The following ANKRD11 variants were observed in gnomAD, a reference collection of about 807,000 sequenced individuals.
ANKRD11 encodes the protein ankyrin repeat domain-containing protein 11.
A neutral mutation model predicts 195.7 loss-of-function variants in ANKRD11; 17 were observed. The observed-to-expected ratio is 0.09, with a 90% CI of 0.06 to 0.13. ANKRD11 has a LOEUF of 0.13. Among genes scored for constraint, ANKRD11 ranks in the 10% least tolerant of loss-of-function variants. The pLI is 1.00. For missense variants in ANKRD11, 3,735 were observed against 3,566.1 expected (o/e 1.05, Z -1.21); for synonymous variants, 1,953 against 1,528.1 (o/e 1.28, Z -6.49).
intron 2 of ANKRD11, among the ~76,000 whole-genome samples, chr16:89,414,511 A>C (rs1408636529): frequency 5.9e-5 from 9 of 152,222 alleles, no homozygotes; most frequent in Non-Finnish European, 1.2e-4. Flanking sequence ...GAAACAATTT[A>C]CAAACTAAAA....
At position 89,357,180 on chromosome 16, in the gene ANKRD11, C is replaced by G. The variant is rs992817876; in HGVS notation, c.-59-40102G>C. Among the ~76,000 whole-genome samples, 3 of 152,228 alleles carry G rather than the reference C, an allele frequency of 2.0e-5. No individual in the cohort carries two copies. In the East Asian group the frequency reaches 5.8e-4, roughly 29 times the overall value. ...GAGGTAGGCTCGGCCAGAGCTACAA[C>G]ACACCTTCGAAGATGAGTGGGGTTG... On this transcript the variant is annotated intron_variant, in intron 2 of 12. Coordinates refer to ENST00000301030, the MANE Select transcript of ANKRD11 (RefSeq NM_013275.6).
chr16:89,333,251 G>C (rs1335524926), intron 2 of ANKRD11, among the ~76,000 whole-genome samples: 1 of 152,182 alleles, frequency 6.6e-6, no homozygotes, highest in Non-Finnish European at 1.5e-5. Context: ...ATTTTTTAAA[G>C]CAGCTTTAGG....
chr16:89,357,939 A>C (rs2039560906), intron 2 of ANKRD11, among the ~76,000 whole-genome samples: 1 of 152,248 alleles, frequency 6.6e-6, no homozygotes, highest in Non-Finnish European at 1.5e-5. Flanking sequence ...AAAAGTAGTA[A>C]ATCCTTTCAA....
chr16:89,285,451 T>C lies in ANKRD11; in HGVS notation c.1091A>G (p.Lys364Arg). The C allele has an allele frequency of 6.2e-7, 1 of 1,614,214 alleles. No homozygotes were observed. Among genetic ancestry groups the C allele is most frequent in the East Asian group, 2.2e-5 (1 of 44,892 alleles). ...EQDRVPPVDD[K>R]HLLKKDYRKE... ...TCTGTAGTCCTTTTTCAATAGGTGC[T>C]TGTCGTCCACCGGAGGAACCCTGTC... The change falls in exon 9 of 13, where the codon AAG becomes AGG. Residue 364 changes from lysine (K) to arginine (R), a missense_variant. Lys to Arg is a conservative substitution (Grantham distance 26). Transcript: ENST00000301030. The surrounding 1 kb of genome is among the most constrained non-coding windows in gnomAD (Gnocchi z 5.6).
chr16:89,351,144 G>A (rs924930488), intron 2 of ANKRD11, among the ~76,000 whole-genome samples: 23 of 152,208 alleles, frequency 1.5e-4, no homozygotes, highest in Admixed American at 8.5e-4. Context: ...GGACGATGGC[G>A]GGCACAAGAG....
At chr16:89,320,409 A>G (rs993293390) in intron 2 of ANKRD11, 3 of 152,248 alleles carry the variant, frequency 2.0e-5, no homozygotes, top group African/African-American at 7.2e-5. Flanking sequence ...AATCAGCAGG[A>G]AACTGAAACA....
chr16:89,375,427 T>C (rs965149781), intron 2 of ANKRD11, among the ~76,000 whole-genome samples: 11 of 151,256 alleles, frequency 7.3e-5, no homozygotes, highest in Non-Finnish European at 1.2e-4. Flanking sequence ...GACAAGCCGC[T>C]GCGCTCCCGC....
chr16:89,271,840 C>G (rs1191033108), intron 11 of ANKRD11: 1 of 152,136 alleles, frequency 6.6e-6, no homozygotes, highest in African/African-American at 2.4e-5. Flanking sequence ...CCTGGGCAAA[C>G]ATTTCTCAAG....
At chr16:89,441,778 A>AAAAC (rs1567811062) in intron 1 of ANKRD11, among the ~76,000 whole-genome samples, 1 of 103,858 alleles carries the variant, frequency 9.6e-6, no homozygotes, top group African/African-American at 2.8e-5. Flanking sequence ...AAAAAAAAAA[A>AAAAC]AAAAAAAAAA....
chr16:89,449,824 G>C (rs995159916), intron 1 of ANKRD11, among the ~76,000 whole-genome samples: 3 of 152,102 alleles, frequency 2.0e-5, no homozygotes, highest in African/African-American at 7.2e-5. Flanking sequence ...TACCAACCTG[G>C]TGAGCTAGGT....
At chr16:89,410,439 G>A (rs977332092) in intron 2 of ANKRD11, among the ~76,000 whole-genome samples, 1 of 152,190 alleles carries the variant, frequency 6.6e-6, no homozygotes, top group African/African-American at 2.4e-5. Flanking sequence ...TGTTGGGAGT[G>A]ATGGTCTTAG....
Position 89,291,024 on chromosome 16 carries a change from G to A in ANKRD11, c.386C>T (p.Ala129Val), listed in dbSNP as rs1295314207. 18 of 1,611,618 alleles carry A rather than the reference G, an allele frequency of 1.1e-5. No homozygotes were observed. The highest frequency in any genetic ancestry group is 1.4e-5 in the Non-Finnish European group (17 of 1,179,858). ...LLMQMTAEES[A>V]NSPVDTTPKH... ...CAGGCCGGGCTCACCTGGGCTGTTG[G>A]CAGACTCCTCGGCCGTCATCTGCAT... The change falls in exon 5 of 13, where the codon GCC becomes GTC. Residue 129 changes from alanine to valine, a missense_variant. Physicochemically the swap from Ala to Val is moderately conservative, Grantham distance 64. Transcript: ENST00000301030. This position sits in a 1 kb window ranked among gnomAD's most constrained non-coding sequence, Gnocchi z 5.3.
rs771640663 is a variant in ANKRD11 at position 89,282,512 on chromosome 16, G to C, written c.4030C>G (p.Leu1344Val). The change falls in exon 9 of 13, where the codon CTG becomes GTG. Residue 1344 changes from leucine to valine, a missense_variant. By Grantham distance (32) the Leu-to-Val change is conservative. Coordinates refer to ENST00000301030, the MANE Select transcript of ANKRD11 (RefSeq NM_013275.6). ...PRESACLPEK[L>V]KEKERHRHSS... ...TGTCTGTGCCTCTCCTTCTCTTTCAGCTTCTCAGGGAGGCAGGCGCTCTCC... is the reference window on the plus strand; with the variant it reads ...TGTCTGTGCCTCTCCTTCTCTTTCACCTTCTCAGGGAGGCAGGCGCTCTCC... 3.1e-6 allele frequency: 5 copies of C among 1,613,980 alleles called. No homozygotes were observed. Among genetic ancestry groups the C allele is most frequent in the Non-Finnish European group, 4.2e-6 (5 of 1,179,986 alleles).
chr16:89,281,592 T>A lies in ANKRD11; in HGVS notation c.4950A>T (p.Lys1650Asn), dbSNP rs953103101. 6.2e-7 allele frequency: 1 copy of A among 1,614,176 alleles called. No individual in the cohort carries two copies. The highest frequency in any genetic ancestry group is 1.3e-5 in the African/African-American group (1 of 75,040). Reference sequence around the variant, plus strand: ...GAGTCGACTCTTTGAGCTTTTTGTCTTTAAATGGAGGGTCCAGCCCCGGCG... The same window carrying A: ...GAGTCGACTCTTTGAGCTTTTTGTCATTAAATGGAGGGTCCAGCCCCGGCG... ...KKPPGLDPPFKDKKLKESTPI... is the reference protein window; with the variant it reads ...KKPPGLDPPFNDKKLKESTPI... The change falls in exon 9 of 13, where the codon AAA (lysine) becomes AAT (asparagine). Residue 1650 changes from lysine (K) to asparagine (N), a missense_variant. Lys to Asn is a moderately conservative substitution (Grantham distance 94). Coordinates refer to ENST00000301030, the MANE Select transcript of ANKRD11 (RefSeq NM_013275.6). The surrounding 1 kb of genome is among the most constrained non-coding windows in gnomAD (Gnocchi z 5.5).
At chr16:89,387,697 A>G (rs2040982562) in intron 2 of ANKRD11, among the ~76,000 whole-genome samples, 1 of 142,596 alleles carries the variant, frequency 7.0e-6, no homozygotes, top group South Asian at 2.3e-4. Context: ...AAAAAGAAAA[A>G]AAAAAAAAAA....
At chr16:89,481,791 A>G (rs1020436260) in intron 1 of ANKRD11, among the ~76,000 whole-genome samples, 5 of 152,164 alleles carry the variant, frequency 3.3e-5, no homozygotes, top group Non-Finnish European at 7.3e-5. Flanking sequence ...TCTGGCTGAC[A>G]TTCTCACGTT....
chr16:89,354,129 C>T (rs919869790), intron 2 of ANKRD11, among the ~76,000 whole-genome samples: 1 of 151,740 alleles, frequency 6.6e-6, no homozygotes, highest in African/African-American at 2.4e-5. Flanking sequence ...CACTCCACTG[C>T]TTCTAAATAA....
chr16:89,470,483 T>C lies in ANKRD11; in HGVS notation c.-145+19762A>G, dbSNP rs540065649. ...GTTTTGTGTACAGACTAAACGTAGG[T>C]AGGGAATACTGGTTAACACCATAGA... On this transcript the variant is annotated intron_variant, in intron 1 of 12. Transcript: ENST00000301030. 2.6e-4 allele frequency among the ~76,000 whole-genome samples: 39 copies of C among 151,622 alleles called. No individual in the cohort carries two copies. The South Asian group carries it at 6.1e-3, about 24-fold the overall frequency.
intron 3 of ANKRD11, among the ~76,000 whole-genome samples, chr16:89,311,669 G>C (rs1300575932): frequency 6.6e-6 from 1 of 152,150 alleles, no homozygotes; most frequent in African/African-American, 2.4e-5. Flanking sequence ...GTTTGCCAAA[G>C]ATAGGATTTT....
Sources: allele counts gnomAD v4.1 joint callset (sites outside exome capture counted in the v4.1 genomes callset), GRCh38; gene constraint gnomAD v4.1.1; non-coding constraint Gnocchi (gnomAD v3.1); transcripts MANE v1.5; gene names NCBI Gene and HGNC (gene_info 2026-07-23, HGNC 2026-07-21).